The following NDST4 variants were observed in gnomAD, a reference collection of about 807,000 sequenced individuals.
The protein encoded by NDST4 is N-deacetylase and N-sulfotransferase 4.
In NDST4, 63 loss-of-function variants were observed where a neutral mutation model predicts 100.8. The observed-to-expected ratio is 0.62, with a 90% CI of 0.51 to 0.77. The LOEUF (loss-of-function observed/expected upper bound fraction) is 0.77. NDST4 is among the 30% of genes least tolerant of loss of function. The pLI is 0.00. For missense variants in NDST4, 943 were observed against 1,018.4 expected (o/e 0.93, Z 1.01); for synonymous variants, 377 against 361.8 (o/e 1.04, Z -0.48).
intron 6 of NDST4, among the ~76,000 whole-genome samples, chr4:114,888,010 C>T (rs1302569842): frequency 6.6e-6 from 1 of 152,006 alleles, no homozygotes; most frequent in Non-Finnish European, 1.5e-5. Context: ...TGAGACCAGC[C>T]TGGCCAACTT....
At chr4:114,927,267 C>T (rs1725406040) in intron 6 of NDST4, among the ~76,000 whole-genome samples, 1 of 150,692 alleles carries the variant, frequency 6.6e-6, no homozygotes, top group Non-Finnish European at 1.5e-5. Flanking sequence ...AGAGATGTAG[C>T]CACGATTTAA....
intron 2 of NDST4, among the ~76,000 whole-genome samples, chr4:115,018,630 C>G (rs1020017097): frequency 6.6e-6 from 1 of 151,844 alleles, no homozygotes; most frequent in African/African-American, 2.4e-5. Flanking sequence ...TGTCAAGGAC[C>G]TTGGGCAGAG....
chr4:115,042,175 T>A (rs561131289), intron 2 of NDST4, among the ~76,000 whole-genome samples: 1 of 152,054 alleles, frequency 6.6e-6, no homozygotes. Flanking sequence ...TTCTGATGAG[T>A]GTGATGAAAT....
chr4:114,880,088 GGCAGCTGTTCTAACT>G (rs1475382765), intron 6 of NDST4, among the ~76,000 whole-genome samples: 1 of 152,128 alleles, frequency 6.6e-6, no homozygotes, highest in East Asian at 1.9e-4. Flanking sequence ...CAGTAAATAG[GGCAGCTGTTCTAACT>G]GAGAACAGAA....
intron 6 of NDST4, among the ~76,000 whole-genome samples, chr4:114,907,230 T>C (rs1041937844): frequency 6.6e-6 from 1 of 151,500 alleles, no homozygotes; most frequent in African/African-American, 2.4e-5. Flanking sequence ...TGTCCTTGGA[T>C]TCACTGTAGA....
intron 2 of NDST4, among the ~76,000 whole-genome samples, chr4:115,046,261 C>T (rs990262136): frequency 8.5e-5 from 13 of 152,096 alleles, no homozygotes; most frequent in African/African-American, 3.1e-4. Flanking sequence ...CAAGCTCTTC[C>T]TCAACCAATC....
At chr4:115,110,165 T>C (rs145238657) in intron 1 of NDST4, among the ~76,000 whole-genome samples, 36 of 152,068 alleles carry the variant, frequency 2.4e-4, no homozygotes, top group African/African-American at 7.2e-4. Context: ...TAGAACTATA[T>C]CTATTAGAAA....
At chr4:114,994,934 T>C (rs1345777250) in intron 2 of NDST4, among the ~76,000 whole-genome samples, 1 of 138,910 alleles carries the variant, frequency 7.2e-6, no homozygotes, top group Admixed American at 7.3e-5. Flanking sequence ...AATTCTTGAC[T>C]AAATTATCTG....
intron 2 of NDST4, among the ~76,000 whole-genome samples, chr4:115,017,707 G>A (rs992399404): frequency 6.6e-6 from 1 of 151,856 alleles, no homozygotes; most frequent in Admixed American, 6.6e-5. Flanking sequence ...CAATGTGCTA[G>A]GTATATTATA....
rs957137572 is a variant in NDST4 at position 114,990,029 on chromosome 4, AT to A, written c.979-12756del. Reference sequence around the variant, plus strand: ...AATCTATGACATTTTTGACACTTCCATTTTTTTTTATGTCTGCGTTTTCATG... The same window carrying A: ...AATCTATGACATTTTTGACACTTCCATTTTTTTTATGTCTGCGTTTTCATG... On this transcript the variant is annotated intron_variant, in intron 2 of 13. Transcript: ENST00000264363. 2.2e-4 allele frequency among the ~76,000 whole-genome samples: 34 copies of A among 151,328 alleles called. No homozygotes were observed. The East Asian group carries it at 4.5e-3, about 20-fold the overall frequency.
At chr4:114,912,484 C>T (rs1039844994) in intron 6 of NDST4, among the ~76,000 whole-genome samples, 6 of 152,096 alleles carry the variant, frequency 3.9e-5, no homozygotes, top group African/African-American at 1.2e-4. Context: ...TGCTTTCTGA[C>T]GTACTTGTAG....
intron 2 of NDST4, among the ~76,000 whole-genome samples, chr4:115,029,404 CATTTTAGG>C (rs996527047): frequency 2.0e-5 from 3 of 152,060 alleles, no homozygotes; most frequent in Non-Finnish European, 4.4e-5. Context: ...CTTCCTCTCT[CATTTTAGG>C]GAATAGATTT....
intron 2 of NDST4, among the ~76,000 whole-genome samples, chr4:115,055,855 C>T (rs1313540333): frequency 6.6e-6 from 1 of 152,054 alleles, no homozygotes; most frequent in African/African-American, 2.4e-5. Flanking sequence ...CTCTGTGCAG[C>T]AGATAATCCC....
chr4:114,889,052 T>C (rs1222307283), intron 6 of NDST4, among the ~76,000 whole-genome samples: 1 of 152,150 alleles, frequency 6.6e-6, no homozygotes, highest in African/African-American at 2.4e-5. Flanking sequence ...GTAGCAACAC[T>C]AGATATTATC....
In NDST4 at chr4:114,925,534, G is replaced by A. The variant is rs375887799; in HGVS notation, c.1536+9672C>T. Among the ~76,000 whole-genome samples, 6 of 152,036 alleles carry A rather than the reference G, an allele frequency of 3.9e-5. No homozygotes were observed. The South Asian group carries it at 1.0e-3, about 26-fold the overall frequency. On this transcript the variant is annotated intron_variant, in intron 6 of 13. Coordinates refer to ENST00000264363, the MANE Select transcript of NDST4 (RefSeq NM_022569.3). The stretch of plus-strand genomic sequence containing the variant: ...CATGAACTCAGAGATTGATATACAC[G>A]GAGAAGGAAAGCTCATTAACCAGAC...
chr4:115,044,706 G>GA (rs149358526), intron 2 of NDST4, among the ~76,000 whole-genome samples: 131 of 137,850 alleles, frequency 9.5e-4, no homozygotes, highest in Middle Eastern at 7.4e-3. Flanking sequence ...AAGGAAAAAG[G>GA]AAAAAAAAAA....
At chr4:114,839,792 GTAAAT>G (rs938100525) in intron 10 of NDST4, among the ~76,000 whole-genome samples, 9 of 152,120 alleles carry the variant, frequency 5.9e-5, no homozygotes, top group African/African-American at 2.2e-4. Context: ...TTATTTTAAA[GTAAAT>G]TAAAGTACAA....
chr4:114,845,726 G>T, intron 10 of NDST4, 97 bp downstream of exon 10: 1 of 1,101,568 alleles, frequency 9.1e-7, no homozygotes, highest in Non-Finnish European at 1.3e-6. Flanking sequence ...TCTTACATTT[G>T]ACTTTTCATA....
At chr4:114,891,487 T>G (rs546139429) in intron 6 of NDST4, among the ~76,000 whole-genome samples, 1 of 152,220 alleles carries the variant, frequency 6.6e-6, no homozygotes, top group East Asian at 1.9e-4. Context: ...TTTTACTCAT[T>G]GCTTTCCCTT....
Sources: allele counts gnomAD v4.1 joint callset (sites outside exome capture counted in the v4.1 genomes callset), GRCh38; gene constraint gnomAD v4.1.1; transcripts MANE v1.5; gene names NCBI Gene and HGNC (gene_info 2026-07-23, HGNC 2026-07-21).